WRNIP1: variants seen among roughly 807,000 people sequenced by gnomAD.
WRNIP1 encodes the protein ATPase WRNIP1.
WRNIP1 carries 41 observed loss-of-function variants against 56.1 expected under a neutral mutation model. The observed-to-expected ratio is 0.73, with a 90% CI of 0.57 to 0.95. The LOEUF is 0.95. WRNIP1 is among the 40% of genes least tolerant of loss of function. The probability of loss-of-function intolerance (pLI) is 0.00; values close to 1 mark genes in which losing one functional copy is unlikely to be tolerated. For synonymous variants in WRNIP1, 547 were observed against 398.1 expected (o/e 1.37, Z -4.45); for missense variants, 1,170 against 939.4 (o/e 1.25, Z -3.21).
At chr6:2,772,337 G>A (rs766453780) in intron 3 of WRNIP1, among the ~76,000 whole-genome samples, 7 of 152,082 alleles carry the variant, frequency 4.6e-5, no homozygotes, top group Non-Finnish European at 7.4e-5. Context: ...TTCCACTACC[G>A]CTTGCTTAGA....
intron 4 of WRNIP1, among the ~76,000 whole-genome samples, chr6:2,782,478 A>C (rs1581143267): frequency 1.3e-5 from 2 of 152,196 alleles, no homozygotes; most frequent in South Asian, 2.1e-4. Context: ...CTCAGCTGCC[A>C]GGGTTTGTGG....
In WRNIP1 at chr6:2,770,241, A is replaced by C. The variant is rs1189874564; in HGVS notation, c.1136A>C (p.Lys379Thr). ...LSRCRVIVLE[K>T]LPVEAMVTIL... is the part of the protein sequence containing the mutation. Reference sequence around the variant, plus strand: ...CGCTGTCGAGTGATTGTTCTTGAGAAGCTTCCAGTAGAGGCAATGGTGACT... The same window carrying C: ...CGCTGTCGAGTGATTGTTCTTGAGACGCTTCCAGTAGAGGCAATGGTGACT... Residue 379 changes from lysine (K) to threonine (T), a missense_variant, in exon 3 of 7, where the codon AAG becomes ACG. Lys to Thr is a moderately conservative substitution (Grantham distance 78). Coordinates refer to ENST00000380773, the MANE Select transcript of WRNIP1 (RefSeq NM_020135.3). 2 of 1,614,176 alleles carry C rather than the reference A, an allele frequency of 1.2e-6. No individual in the cohort carries two copies. The highest frequency in any genetic ancestry group is 1.1e-5 in the South Asian group (1 of 91,082).
chr6:2,784,255 G>A lies in WRNIP1; in HGVS notation c.1643-69G>A, dbSNP rs139807485. On this transcript the variant is annotated intron_variant, in intron 5 of 6. Coordinates refer to ENST00000380773, the MANE Select transcript of WRNIP1 (RefSeq NM_020135.3). Reference sequence around the variant, plus strand: ...GTACAAGCAGTGGTGGTCTGTGGTCGCCTGCACATAGGCCAGGAGGACAGT... The same window carrying A: ...GTACAAGCAGTGGTGGTCTGTGGTCACCTGCACATAGGCCAGGAGGACAGT... The A allele has an allele frequency of 4.4e-3, 6,460 of 1,467,692 alleles. 33 individuals carry two copies. The highest frequency in any genetic ancestry group is 4.4e-3 in the Non-Finnish European group (4,689 of 1,062,080). The allele number at this position is 1,467,692 out of a possible 1,614,324, so 90.9% of individuals were successfully genotyped here. A position where few individuals can be genotyped will look rare whatever the true frequency, so the allele number is the denominator to read the frequency against.
chr6:2,774,274 C>T (rs1392976182), intron 3 of WRNIP1: 1 of 985,312 alleles, frequency 1.0e-6, no homozygotes, highest in Non-Finnish European at 1.2e-6. Flanking sequence ...CTTGGATGCA[C>T]TTCCTGTGGC....
chr6:2,769,007 C>A, intron 2 of WRNIP1, 125 bp downstream of exon 2: 2 of 891,512 alleles, frequency 2.2e-6, no homozygotes, highest in Non-Finnish European at 3.2e-6. Flanking sequence ...GCTTGTGAAC[C>A]CATCTCCTTC....
Position 2,767,389 on chromosome 6 carries a change from C to T in WRNIP1, c.822+945C>T, listed in dbSNP as rs75925881. ...TTCTTGTAGCTTTGAGATTCAGACT[C>T]GTTTGCACACAAGGCTTTTATGATT... On this transcript the variant is annotated intron_variant, in intron 1 of 6. Transcript: ENST00000380773. Among the ~76,000 whole-genome samples, 909 of 152,334 alleles carry T rather than the reference C, an allele frequency of 6.0e-3. 9 individuals are homozygous for T. Among genetic ancestry groups the T allele is most frequent in the African/African-American group, 0.021 (864 of 41,566 alleles).
intron 3 of WRNIP1, chr6:2,773,876 AGAGGTGGTTG>A: frequency 1.0e-6 from 1 of 985,210 alleles, no homozygotes; most frequent in South Asian, 4.7e-5. Context: ...CTGAGTTCCG[AGAGGTGGTTG>A]GAAGACAGAA....
intron 4 of WRNIP1, 61 bp downstream of exon 4, chr6:2,779,553 T>C: frequency 6.6e-7 from 1 of 1,525,080 alleles, no homozygotes; most frequent in South Asian, 1.2e-5. Context: ...GCACACATTC[T>C]CATTTCCGGA....
rs1166829964 is a variant in WRNIP1, at chr6:2,765,614, G to A, written c.-9G>A. The A allele has an allele frequency of 6.6e-7, 1 of 1,511,850 alleles. No homozygotes were observed. Among genetic ancestry groups the A allele is most frequent in the Non-Finnish European group, 8.8e-7 (1 of 1,138,502 alleles). The allele number at this position is 1,511,850 out of a possible 1,614,324, so 93.7% of individuals were successfully genotyped here. A position where few individuals can be genotyped will look rare whatever the true frequency, so the allele number is the denominator to read the frequency against. ...GCCGCGCCGGGCGCCGGGGAGGGCG[G>A]CGGCCGCCATGGAGGTGAGCGGGCC... is the stretch of plus-strand genomic sequence containing the variant. On this transcript the variant is annotated 5_prime_UTR_variant, in exon 1 of 7. Transcript: ENST00000380773.
intron 4 of WRNIP1, among the ~76,000 whole-genome samples, chr6:2,781,304 C>T (rs889434401): frequency 1.3e-5 from 2 of 152,222 alleles, no homozygotes; most frequent in South Asian, 2.1e-4. Context: ...CTAGTGCCAG[C>T]GCCTTAAGAA....
At chr6:2,777,115 T>A (rs559554119) in intron 3 of WRNIP1, among the ~76,000 whole-genome samples, 1 of 152,146 alleles carries the variant, frequency 6.6e-6, no homozygotes, top group South Asian at 2.1e-4. Flanking sequence ...GCTGGAAATA[T>A]CAAGTACATT....
chr6:2,772,925 T>C, intron 3 of WRNIP1: 1 of 974,264 alleles, frequency 1.0e-6, no homozygotes, highest in Non-Finnish European at 1.2e-6. Context: ...ATATACTTAC[T>C]TTCTCTCTCC....
At chr6:2,769,612 G>A (rs966938144) in intron 2 of WRNIP1, among the ~76,000 whole-genome samples, 2 of 152,022 alleles carry the variant, frequency 1.3e-5, no homozygotes, top group African/African-American at 4.8e-5. Context: ...CTGACGAGGC[G>A]TTAGCATTCT....
intron 1 of WRNIP1, among the ~76,000 whole-genome samples, chr6:2,767,933 G>GAA (rs1765097403): frequency 6.6e-6 from 1 of 152,188 alleles, no homozygotes; most frequent in African/African-American, 2.4e-5. Flanking sequence ...ACAACTTTTA[G>GAA]AAAAGAAAGT....
rs759945588 is a variant in WRNIP1, at chr6:2,768,892, C to T, written c.1014+10C>T. On this transcript the variant is annotated intron_variant, in intron 2 of 6. Coordinates refer to ENST00000380773, the MANE Select transcript of WRNIP1 (RefSeq NM_020135.3). ...CAATAAATCTCAGCAGGTATATTAA[C>T]TTCCTTCTACCTTTTGGTCGTTGTG... The T allele has an allele frequency of 3.1e-6, 5 of 1,599,192 alleles. No individual in the cohort carries two copies. The highest frequency in any genetic ancestry group is 3.4e-5 in the Admixed American group (2 of 58,508).
Position 2,766,296 on chromosome 6 carries a change from A to C in WRNIP1, c.674A>C (p.Lys225Thr). Residue 225 changes from lysine to threonine, a missense_variant, in exon 1 of 7, where the codon AAG becomes ACG. Lys to Thr is a moderately conservative substitution (Grantham distance 78). Transcript: ENST00000380773. ...GAGATCCGACAGATGCTACAGGGCA[A>C]GCCGCTGGCCGACACGATGCGTCCT... ...AEEIRQMLQG[K>T]PLADTMRPDT... is the part of the protein sequence containing the mutation. The C allele has an allele frequency of 6.2e-7, 1 of 1,606,180 alleles. No homozygotes were observed. Among genetic ancestry groups the C allele is most frequent in the Non-Finnish European group, 8.5e-7 (1 of 1,177,248 alleles).
intron 4 of WRNIP1, among the ~76,000 whole-genome samples, chr6:2,781,146 G>A (rs927967261): frequency 3.9e-5 from 6 of 152,154 alleles, no homozygotes; most frequent in African/African-American, 1.4e-4. Flanking sequence ...GGGGTCACCC[G>A]TCCATGCACA....
chr6:2,766,507 C>T (rs929172801), intron 1 of WRNIP1, 63 bp downstream of exon 1: 25 of 1,436,342 alleles, frequency 1.7e-5, no homozygotes, highest in South Asian at 5.8e-5. Flanking sequence ...AGCTGATGGT[C>T]GGAGAGCCGG....
chr6:2,779,090 C>T (rs186676763), intron 3 of WRNIP1, among the ~76,000 whole-genome samples, 173 bp from the exon 4 acceptor site: 201 of 152,320 alleles, frequency 1.3e-3, no homozygotes, highest in Admixed American at 7.6e-3. Flanking sequence ...TTAGGAGCCC[C>T]AGTCAGTTCG....
Sources: gnomAD v4.1 joint callset for allele counts (sites outside exome capture counted in the v4.1 genomes callset) on GRCh38, gnomAD v4.1.1 for gene constraint, MANE v1.5 for transcripts, NCBI Gene and HGNC (gene_info 2026-07-23, HGNC 2026-07-21) for gene names.